Variants in SLIT2 observed in about 807,000 individuals in gnomAD.
SLIT2 encodes slit homolog 2 protein.
In SLIT2, 41 loss-of-function variants were observed where a neutral mutation model predicts 185.7. That is an observed-to-expected ratio of 0.22 (90% CI 0.17 to 0.29). The LOEUF (loss-of-function observed/expected upper bound fraction) is 0.29. Ranked by LOEUF, SLIT2 falls within the 10% of genes least tolerant of loss-of-function variation. The pLI, the probability that SLIT2 is intolerant of heterozygous loss-of-function variation, is 1.00. For synonymous variants in SLIT2, 693 were observed against 680.2 expected (o/e 1.02, Z -0.29); for missense variants, 1,571 against 1,909.0 (o/e 0.82, Z 3.30).
chr4:20,550,474 A>G (rs997850835), intron 24 of SLIT2, among the ~76,000 whole-genome samples: 2 of 151,778 alleles, frequency 1.3e-5, no homozygotes, highest in African/African-American at 4.8e-5. Context: ...GATATATTTT[A>G]TGTTGTCAAA....
At chr4:20,520,595 T>C (rs375771182) in intron 12 of SLIT2, among the ~76,000 whole-genome samples, 1 of 152,194 alleles carries the variant, frequency 6.6e-6, no homozygotes, top group Non-Finnish European at 1.5e-5. Flanking sequence ...TATATAAATA[T>C]ATTCCTGAAT....
chr4:20,534,922 G>A (rs1722132941), intron 18 of SLIT2, among the ~76,000 whole-genome samples: 1 of 152,174 alleles, frequency 6.6e-6, no homozygotes, highest in Admixed American at 6.5e-5. Flanking sequence ...AGCAGGACCA[G>A]TCTGGGACCT....
At chr4:20,540,872 T>G (rs1722749640) in intron 19 of SLIT2, among the ~76,000 whole-genome samples, 1 of 152,198 alleles carries the variant, frequency 6.6e-6, no homozygotes, top group Non-Finnish European at 1.5e-5. Flanking sequence ...GCTGAAGTGG[T>G]GAGATGCCAG....
rs1017623078 is a variant in SLIT2 at position 20,620,483 on chromosome 4, A to C, written c.*1474A>C. The C allele has an allele frequency of 4.5e-6, 2 of 443,890 alleles. No homozygotes were observed. Among genetic ancestry groups the C allele is most frequent in the Non-Finnish European group, 9.0e-6 (2 of 223,350 alleles). 27.5% of individuals were successfully genotyped at this position (443,890 alleles called of 1,614,324 possible). ...AAAATTAGATGTACATGTATAATTC[A>C]GTGTGCTTTGTCTTTCTCCAGATTA... On this transcript the variant is annotated 3_prime_UTR_variant, in exon 37 of 37. Transcript: ENST00000504154.
intron 4 of SLIT2, among the ~76,000 whole-genome samples, chr4:20,287,605 T>G (rs1715384893): frequency 6.6e-6 from 1 of 152,234 alleles, no homozygotes; most frequent in Non-Finnish European, 1.5e-5. Flanking sequence ...GTTTTTCTCC[T>G]GTGAGGCTTG....
chr4:20,565,052 T>A (rs1213512844), intron 26 of SLIT2, among the ~76,000 whole-genome samples: 1 of 151,930 alleles, frequency 6.6e-6, no homozygotes, highest in African/African-American at 2.4e-5. Context: ...TTCTTCAAAG[T>A]GTATTCCATT....
rs76063690 is a variant in SLIT2 at position 20,530,975 on chromosome 4, AC to A, written c.1614-1008del. Reference sequence around the variant, plus strand: ...CCACTGGAATGGCTAAAAAAAAAAAACAAAAACAAAAAGGGAGAGTAACATA... The same window carrying A: ...CCACTGGAATGGCTAAAAAAAAAAAAAAAAACAAAAAGGGAGAGTAACATA... On this transcript the variant is annotated intron_variant, in intron 16 of 36. Coordinates refer to ENST00000504154, the MANE Select transcript of SLIT2 (RefSeq NM_004787.4). Among the ~76,000 whole-genome samples the A allele has an allele frequency of 7.0e-4, 106 of 150,866 alleles. 2 individuals are homozygous for A. Among genetic ancestry groups the A allele is most frequent in the Middle Eastern group, 7.0e-3 (2 of 286 alleles).
At chr4:20,416,781 A>G (rs768317804) in intron 4 of SLIT2, among the ~76,000 whole-genome samples, 2 of 152,208 alleles carry the variant, frequency 1.3e-5, no homozygotes, top group African/African-American at 2.4e-5. Flanking sequence ...GAAAACTACA[A>G]TTCCTGCTGA....
In SLIT2 at chr4:20,525,537, G is replaced by A. The variant is rs184473787; in HGVS notation, c.1462+365G>A. Among the ~76,000 whole-genome samples, 9 of 152,188 alleles carry A rather than the reference G, an allele frequency of 5.9e-5. No individual in the cohort carries two copies. In the East Asian group the frequency reaches 1.7e-3, roughly 29 times the overall value. On this transcript the variant is annotated intron_variant, in intron 15 of 36. Transcript: ENST00000504154. ...TTTTAAAATATAGCTAATTGAGCTG[G>A]TTTTAAAGACAGAGATCTTTCTGAT...
chr4:20,467,892 A>C, intron 5 of SLIT2, 69 bp downstream of exon 5: 1 of 767,086 alleles, frequency 1.3e-6, no homozygotes, highest in Non-Finnish European at 2.1e-6. Context: ...GTTTATATTA[A>C]ATAAAGTGTC....
At chr4:20,396,312 G>A (rs1725884674) in intron 4 of SLIT2, among the ~76,000 whole-genome samples, 1 of 151,730 alleles carries the variant, frequency 6.6e-6, no homozygotes, top group African/African-American at 2.4e-5. Context: ...AATAAATGAA[G>A]GCACAAATGA....
intron 4 of SLIT2, among the ~76,000 whole-genome samples, chr4:20,280,474 A>G (rs556107866): frequency 7.9e-5 from 12 of 152,122 alleles, no homozygotes; most frequent in Non-Finnish European, 1.6e-4. Flanking sequence ...CTGTGTTTAT[A>G]TATGAGTATG....
At chr4:20,376,649 T>C (rs1448900596) in intron 4 of SLIT2, among the ~76,000 whole-genome samples, 1 of 152,106 alleles carries the variant, frequency 6.6e-6, no homozygotes, top group African/African-American at 2.4e-5. Context: ...TCTTCTTTAC[T>C]CGACTATAAA....
chr4:20,598,399 A>C lies in SLIT2; in HGVS notation c.3692+4A>C. The C allele has an allele frequency of 6.2e-7, 1 of 1,613,592 alleles. No homozygotes were observed. The highest frequency in any genetic ancestry group is 8.5e-7 in the Non-Finnish European group (1 of 1,179,824). ...ATCCAGCTTCTGCCATTTACAGGTGAAGATCTCTCAGTTACGGGTAAAGGT... is the reference window on the plus strand; with the variant it reads ...ATCCAGCTTCTGCCATTTACAGGTGCAGATCTCTCAGTTACGGGTAAAGGT... On this transcript the variant is annotated splice_donor_region_variant and intron_variant, in intron 33 of 36. Transcript: ENST00000504154.
intron 33 of SLIT2, among the ~76,000 whole-genome samples, chr4:20,604,743 G>A (rs1366629432): frequency 6.6e-6 from 1 of 152,010 alleles, no homozygotes; most frequent in East Asian, 1.9e-4. Flanking sequence ...CACAGGTGAA[G>A]TATCATCAGG....
chr4:20,513,357 G>A (rs775204205), intron 11 of SLIT2, among the ~76,000 whole-genome samples: 5 of 152,164 alleles, frequency 3.3e-5, no homozygotes, highest in Non-Finnish European at 7.4e-5. Flanking sequence ...TTATTTTAGA[G>A]AAAGCCCACG....
Position 20,417,436 on chromosome 4 carries a change from G to GTATATATATATATATATA in SLIT2, c.396-50311_396-50294dup, listed in dbSNP as rs367855245. The stretch of plus-strand genomic sequence containing the variant: ...CGCAATCATATATATATGTGTGTGT[G>GTATATATATATATATATA]TATATATATATATATATATATACGT... On this transcript the variant is annotated intron_variant, in intron 4 of 36. Transcript: ENST00000504154. Among the ~76,000 whole-genome samples the GTATATATATATATATATA allele has an allele frequency of 9.8e-3, 1,213 of 123,476 alleles. 16 individuals carry two copies. The highest frequency in any genetic ancestry group is 0.013 in the Non-Finnish European group (746 of 56,660). The allele number at this position is 123,476 out of a possible 152,430, so 81.0% of individuals were successfully genotyped here.
chr4:20,361,512 G>T (rs1722743733), intron 4 of SLIT2, among the ~76,000 whole-genome samples: 1 of 152,090 alleles, frequency 6.6e-6, no homozygotes, highest in South Asian at 2.1e-4. Context: ...CTTATAAAAT[G>T]TTAGTGATGA....
intron 3 of SLIT2, among the ~76,000 whole-genome samples, chr4:20,259,242 CTG>C (rs1394079358): frequency 6.6e-6 from 1 of 151,644 alleles, no homozygotes; most frequent in Non-Finnish European, 1.5e-5. Context: ...AAAAAATACT[CTG>C]AAAGTATTTA....
Sources: gnomAD v4.1 joint callset for allele counts (sites outside exome capture counted in the v4.1 genomes callset) on GRCh38, gnomAD v4.1.1 for gene constraint, MANE v1.5 for transcripts, NCBI Gene and HGNC (gene_info 2026-07-23, HGNC 2026-07-21) for gene names.